The following ROBO2 variants were observed in gnomAD, a reference collection of about 807,000 sequenced individuals.
ROBO2 encodes the protein roundabout homolog 2.
ROBO2 carries 53 observed loss-of-function variants against 160.8 expected under a neutral mutation model. The observed-to-expected ratio is 0.33, with a 90% CI of 0.26 to 0.41. The LOEUF (loss-of-function observed/expected upper bound fraction) is 0.41. ROBO2 is among the 10% of genes least tolerant of loss of function. The pLI, the probability that ROBO2 is intolerant of heterozygous loss-of-function variation, is 1.00. For synonymous variants in ROBO2, 664 were observed against 611.7 expected, an observed-to-expected ratio of 1.09 and a Z score of -1.26; for missense variants, 1,577 against 1,722.4, an observed-to-expected ratio of 0.92 and a Z score of 1.49.
intron 5 of ROBO2, among the ~76,000 whole-genome samples, chr3:77,517,210 C>T (rs2153622376): frequency 6.6e-6 from 1 of 151,606 alleles, no homozygotes; most frequent in South Asian, 2.1e-4. Context: ...AACTAGAATT[C>T]TTAGGCAGGA....
chr3:76,022,253 A>G (rs955591960), intron 2 of ROBO2, among the ~76,000 whole-genome samples: 7 of 151,758 alleles, frequency 4.6e-5, no homozygotes, highest in Admixed American at 6.6e-5. Flanking sequence ...GAAGAGTTAA[A>G]CCCCTCAAAG....
In ROBO2 at chr3:76,429,317, C is replaced by A. The variant is rs1400633134; in HGVS notation, c.109+491715C>A. Among the ~76,000 whole-genome samples the A allele has an allele frequency of 4.6e-5, 7 of 152,088 alleles. No homozygotes were observed. In the East Asian group the frequency reaches 7.7e-4, roughly 17 times the overall value. On this transcript the variant is annotated intron_variant, in intron 2 of 26. Coordinates refer to the ROBO2 transcript ENST00000487694. ...TACTTATTCTTATGTGGGTAAAAAGCGACAAAAGGAATAGCTGTGTTCTAA... is the reference window on the plus strand; with the variant it reads ...TACTTATTCTTATGTGGGTAAAAAGAGACAAAAGGAATAGCTGTGTTCTAA...
rs191640225 is a variant in ROBO2 at position 77,370,610 on chromosome 3, C to A, written c.389-106804C>A. 2.6e-5 allele frequency among the ~76,000 whole-genome samples: 4 copies of A among 152,354 alleles called. No homozygotes were observed. In the East Asian group the frequency reaches 7.7e-4, roughly 29 times the overall value. On this transcript the variant is annotated intron_variant, in intron 2 of 25. Coordinates refer to ENST00000461745, the Ensembl canonical transcript of ROBO2. ...CTTTAGAGGAGGGATCAGCAAACCA[C>A]GGCCACATGCCAGGTCTGGCCCACT...
intron 2 of ROBO2, among the ~76,000 whole-genome samples, chr3:75,960,511 A>ATT (rs891642453): frequency 1.3e-5 from 2 of 151,754 alleles, no homozygotes; most frequent in African/African-American, 4.8e-5. Flanking sequence ...GGGTGGTTTC[A>ATT]TTATATATAT....
At chr3:76,572,395 T>C (rs929069728) in intron 2 of ROBO2, among the ~76,000 whole-genome samples, 9 of 152,150 alleles carry the variant, frequency 5.9e-5, no homozygotes, top group Non-Finnish European at 1.0e-4. Flanking sequence ...TGTCTTTGTT[T>C]GTTTTTTAAT....
intron 2 of ROBO2, among the ~76,000 whole-genome samples, chr3:76,001,388 A>G (rs1443319912): frequency 1.3e-5 from 2 of 152,224 alleles, no homozygotes; most frequent in Non-Finnish European, 2.9e-5. Context: ...GATACACAAC[A>G]CACTTTCAAG....
intron 2 of ROBO2, among the ~76,000 whole-genome samples, chr3:76,368,199 G>A (rs2108456167): frequency 6.6e-6 from 1 of 151,920 alleles, no homozygotes; most frequent in East Asian, 1.9e-4. Context: ...TTCTGTACCT[G>A]TTTACAACAT....
At chr3:77,283,058 T>G (rs2060348633) in intron 2 of ROBO2, among the ~76,000 whole-genome samples, 1 of 152,140 alleles carries the variant, frequency 6.6e-6, no homozygotes, top group Admixed American at 6.5e-5. Flanking sequence ...TTTAAAACAT[T>G]ATTAATGTAA....
intron 2 of ROBO2, among the ~76,000 whole-genome samples, chr3:77,022,106 A>G (rs1482597644): frequency 2.0e-5 from 3 of 152,198 alleles, no homozygotes; most frequent in African/African-American, 2.4e-5. Flanking sequence ...ATGGTGGCTT[A>G]TGCCTGTAAT....
chr3:76,722,982 A>G (rs1192965616), intron 2 of ROBO2, among the ~76,000 whole-genome samples: 1 of 152,216 alleles, frequency 6.6e-6, no homozygotes, highest in African/African-American at 2.4e-5. Flanking sequence ...TACAATTGAA[A>G]TATGGAAAAT....
intron 2 of ROBO2, among the ~76,000 whole-genome samples, chr3:76,327,246 A>G (rs549168931): frequency 2.0e-5 from 3 of 152,290 alleles, no homozygotes; most frequent in South Asian, 2.1e-4. Context: ...GATATAAAAT[A>G]TAGTATAACC....
At chr3:77,446,468 A>G (rs2080524077) in intron 2 of ROBO2, among the ~76,000 whole-genome samples, 1 of 152,142 alleles carries the variant, frequency 6.6e-6, no homozygotes, top group Non-Finnish European at 1.5e-5. Context: ...ACCCAAGTGC[A>G]GCTAACAGAA....
chr3:77,345,212 G>T (rs2067500829), intron 2 of ROBO2, among the ~76,000 whole-genome samples: 1 of 152,180 alleles, frequency 6.6e-6, no homozygotes, highest in Admixed American at 6.6e-5. Flanking sequence ...GATGATGTTG[G>T]TTGGTGGCAG....
chr3:76,740,785 A>G (rs2093789007), intron 2 of ROBO2, among the ~76,000 whole-genome samples: 1 of 152,102 alleles, frequency 6.6e-6, no homozygotes, highest in Non-Finnish European at 1.5e-5. Flanking sequence ...ATGATATGAG[A>G]TTCCAAGATT....
At chr3:76,106,481 G>C (rs1006151975) in intron 2 of ROBO2, among the ~76,000 whole-genome samples, 1 of 152,000 alleles carries the variant, frequency 6.6e-6, no homozygotes, top group African/African-American at 2.4e-5. Flanking sequence ...GCTTGGACTT[G>C]AATAGAACGT....
chr3:75,993,462 A>G (rs947976446), intron 2 of ROBO2, among the ~76,000 whole-genome samples: 13 of 152,150 alleles, frequency 8.5e-5, no homozygotes, highest in Admixed American at 3.9e-4. Flanking sequence ...CTCCCCAGCC[A>G]TGTGGACCTG....
intron 2 of ROBO2, among the ~76,000 whole-genome samples, chr3:76,601,510 C>T (rs763928099): frequency 1.3e-5 from 2 of 152,230 alleles, no homozygotes; most frequent in Non-Finnish European, 2.9e-5. Context: ...GCAGGCTCAA[C>T]ACCACATGGA....
At chr3:76,759,877 A>G (rs1432846215) in intron 2 of ROBO2, among the ~76,000 whole-genome samples, 1 of 151,720 alleles carries the variant, frequency 6.6e-6, no homozygotes, top group African/African-American at 2.4e-5. Flanking sequence ...CGGCTCCGCG[A>G]TTCTCTTCAC....
In ROBO2 at chr3:77,224,174, TG is replaced by T. The variant is rs538032749; in HGVS notation, c.388+125835del. The stretch of plus-strand genomic sequence containing the variant: ...TGTCTATTAATGTGTTTTTGACAAA[TG>T]TGATGCCTATGAGAAGACAGCTTCT... On this transcript the variant is annotated intron_variant, in intron 2 of 25. Coordinates refer to ENST00000461745, the Ensembl canonical transcript of ROBO2. Among the ~76,000 whole-genome samples, 153 of 152,130 alleles carry T rather than the reference TG, an allele frequency of 1.0e-3. 1 individual carries two copies. The highest frequency in any genetic ancestry group is 3.5e-3 in the African/African-American group (146 of 41,582).
Sources: allele counts gnomAD v4.1 joint callset (sites outside exome capture counted in the v4.1 genomes callset), GRCh38; gene constraint gnomAD v4.1.1; transcripts MANE v1.5; gene names NCBI Gene and HGNC (gene_info 2026-07-23, HGNC 2026-07-21).